Variants in DNMT3A observed in about 807,000 individuals in gnomAD.
DNMT3A encodes DNA methyltransferase 3 alpha, also known as DNA (cytosine-5)-methyltransferase 3A.
A neutral mutation model predicts 117.6 loss-of-function variants in DNMT3A; 267 were observed. The ratio of observed to expected loss-of-function variants is 2.27; its 90% CI spans 2.05 to 2.51. The LOEUF (loss-of-function observed/expected upper bound fraction) is 2.51, where lower values mean the gene tolerates loss of function less well. DNMT3A is among the 30% of genes most tolerant of loss of function. The pLI is 0.00. For missense variants in DNMT3A, 1,029 were observed against 1,260.2 expected, an observed-to-expected ratio of 0.82 and a Z score of 2.78; for synonymous variants, 432 against 474.8, an observed-to-expected ratio of 0.91 and a Z score of 1.17.
intron 3 of DNMT3A, among the ~76,000 whole-genome samples, chr2:25,297,320 C>T (rs779825349): frequency 3.9e-5 from 6 of 152,174 alleles, no homozygotes; most frequent in Non-Finnish European, 7.4e-5. Flanking sequence ...AGAGGCCAGG[C>T]GACGGCAGGT....
rs983695176 is a variant in DNMT3A at position 25,257,844 on chromosome 2, C to T, written c.640-9592G>A. On this transcript the variant is annotated intron_variant, in intron 6 of 22. Transcript: ENST00000321117. The surrounding 1 kb of genome is among the most constrained non-coding windows in gnomAD (Gnocchi z 4.8). ...CTAATACTAGCCAGGTGTGGAAACA[C>T]GGAGACCCTGGCTGTGTCTGTTACA... 1.3e-5 allele frequency among the ~76,000 whole-genome samples: 2 copies of T among 152,204 alleles called. No homozygotes were observed. Among genetic ancestry groups the T allele is most frequent in the South Asian group, 2.1e-4 (1 of 4,832 alleles).
chr2:25,282,857 TA>T lies in DNMT3A; in HGVS notation c.178-147del. ...TCATATAAACCTTCATGCAAACAGA[TA>T]CATTCACAATTTTGCTTTCAACATC... On this transcript the variant is annotated intron_variant, in intron 3 of 22. Coordinates refer to ENST00000321117, the MANE Select transcript of DNMT3A (RefSeq NM_022552.5). The surrounding 1 kb of genome is among the most constrained non-coding windows in gnomAD (Gnocchi z 5.2). The T allele has an allele frequency of 9.6e-7, 1 of 1,046,478 alleles. No individual in the cohort carries two copies. The highest frequency in any genetic ancestry group is 1.3e-6 in the Non-Finnish European group (1 of 767,134). The allele number at this position is 1,046,478 out of a possible 1,614,324, so 64.8% of individuals were successfully genotyped here. A position where few individuals can be genotyped will look rare whatever the true frequency, so the allele number is the denominator to read the frequency against.
chr2:25,239,272 G>A, intron 19 of DNMT3A, 57 bp from the exon 20 acceptor site: 1 of 1,501,914 alleles, frequency 6.7e-7, no homozygotes, highest in Non-Finnish European at 9.2e-7. Flanking sequence ...AACAGCGCCG[G>A]CATGCTGCTG....
Position 25,247,337 on chromosome 2 carries a change from A to T in DNMT3A, c.1015-179T>A. Reference sequence around the variant, plus strand: ...GAGTCCAGACCAAGAGTAGGGAAGTACCTGAGTGCAGGTGGAAAGGAATTC... The same window carrying T: ...GAGTCCAGACCAAGAGTAGGGAAGTTCCTGAGTGCAGGTGGAAAGGAATTC... On this transcript the variant is annotated intron_variant, in intron 8 of 22. Transcript: ENST00000321117. The surrounding 1 kb of genome is among the most constrained non-coding windows in gnomAD (Gnocchi z 5.6). 1.3e-6 allele frequency: 1 copy of T among 768,510 alleles called. No individual in the cohort carries two copies. Among genetic ancestry groups the T allele is most frequent in the Non-Finnish European group, 2.1e-6 (1 of 481,068 alleles). 47.6% of individuals were successfully genotyped at this position (768,510 alleles called of 1,614,324 possible).
At chr2:25,258,064 C>T (rs371477268) in intron 6 of DNMT3A, among the ~76,000 whole-genome samples, 2 of 152,258 alleles carry the variant, frequency 1.3e-5, no homozygotes, top group African/African-American at 4.8e-5. Flanking sequence ...CTGTTGCTGT[C>T]TGATGCTGGA....
Position 25,230,811 on chromosome 2 carries a change from T to C in DNMT3A, c.*3468A>G, listed in dbSNP as rs534264084. 1.4e-5 allele frequency: 1 copy of C among 71,334 alleles called. No homozygotes were observed. Among genetic ancestry groups the C allele is most frequent in the African/African-American group, 6.0e-5 (1 of 16,566 alleles). 4.4% of individuals were successfully genotyped at this position (71,334 alleles called of 1,614,324 possible). On this transcript the variant is annotated 3_prime_UTR_variant, in exon 23 of 23. Transcript: ENST00000321117. ...TGCAAGGGGGGGGGGGGGGGGGCCA[T>C]GACCCCTGGGGCATCTGGTCCATTC...
chr2:25,261,719 A>G (rs1041233936), intron 6 of DNMT3A, among the ~76,000 whole-genome samples: 1 of 152,142 alleles, frequency 6.6e-6, no homozygotes, highest in Non-Finnish European at 1.5e-5. Flanking sequence ...TAACTGGTTC[A>G]GGAAATCCTC....
At chr2:25,309,176 C>T (rs1444900210) in intron 2 of DNMT3A, among the ~76,000 whole-genome samples, 1 of 152,232 alleles carries the variant, frequency 6.6e-6, no homozygotes, top group African/African-American at 2.4e-5. Context: ...TACCCCTCTA[C>T]TAGGCCCTCC....
intron 3 of DNMT3A, among the ~76,000 whole-genome samples, chr2:25,291,877 T>G (rs1162870195): frequency 6.6e-6 from 1 of 152,252 alleles, no homozygotes; most frequent in Non-Finnish European, 1.5e-5. Flanking sequence ...GCGGGGACAC[T>G]GGTCCACCTG....
intron 1 of DNMT3A, among the ~76,000 whole-genome samples, chr2:25,335,436 G>C (rs533017918): frequency 1.4e-4 from 21 of 152,298 alleles, no homozygotes; most frequent in Admixed American, 3.9e-4. Context: ...CACTCCGAAG[G>C]CCTCCTGCCC....
rs1365576397 is a variant in DNMT3A, at chr2:25,252,068, C to G, written c.640-3816G>C. 7 of 1,283,116 alleles carry G rather than the reference C, an allele frequency of 5.5e-6. No individual in the cohort carries two copies. The Admixed American group carries it at 9.8e-5, about 18-fold the overall frequency. 79.5% of individuals were successfully genotyped at this position (1,283,116 alleles called of 1,614,324 possible). A position where few individuals can be genotyped will look rare whatever the true frequency, so the allele number is the denominator to read the frequency against. ...CAGAACTCGGGCCAGGCCGGGACGC[C>G]GCGGCTGCTGCGGGCCGGGGAGGCA... On this transcript the variant is annotated intron_variant, in intron 6 of 22. Coordinates refer to ENST00000321117, the MANE Select transcript of DNMT3A (RefSeq NM_022552.5). The surrounding 1 kb of genome is among the most constrained non-coding windows in gnomAD (Gnocchi z 5.5).
chr2:25,244,988 T>A (rs990250621), intron 13 of DNMT3A, among the ~76,000 whole-genome samples: 1 of 152,180 alleles, frequency 6.6e-6, no homozygotes, highest in African/African-American at 2.4e-5. Context: ...TCCCCGCTGC[T>A]CTGCTCCCAT....
rs529438421 is a variant in DNMT3A at position 25,333,129 on chromosome 2, T to C, written c.-178+8697A>G. ...GGCTAAGAGAAAAAGGGACAACTTATTGGCAGCTGGAAAAAGGGACCTGGG... is the reference window on the plus strand; with the variant it reads ...GGCTAAGAGAAAAAGGGACAACTTACTGGCAGCTGGAAAAAGGGACCTGGG... On this transcript the variant is annotated intron_variant, in intron 1 of 22. Coordinates refer to ENST00000321117, the MANE Select transcript of DNMT3A (RefSeq NM_022552.5). 3.3e-5 allele frequency among the ~76,000 whole-genome samples: 5 copies of C among 152,218 alleles called. No individual in the cohort carries two copies. In the South Asian group the frequency reaches 8.3e-4, roughly 25 times the overall value.
rs2033378124 is a variant in DNMT3A at position 25,300,602 on chromosome 2, TATCTAAATAATATATTATTTAG to T, written c.73-381_73-360del. 1.1e-3 allele frequency among the ~76,000 whole-genome samples: 10 copies of T among 8,918 alleles called. No individual in the cohort carries two copies. The South Asian group carries it at 0.058, about 52-fold the overall frequency. 5.9% of individuals were successfully genotyped at this position (8,918 alleles called of 152,430 possible). On this transcript the variant is annotated intron_variant, in intron 2 of 22. Coordinates refer to ENST00000321117, the MANE Select transcript of DNMT3A (RefSeq NM_022552.5). Reference sequence around the variant, plus strand: ...ATAAAAATACCCACACCCATATATATATCTAAATAATATATTATTTAGATATCTAAATAATATATTATTTAGA... The same window carrying T: ...ATAAAAATACCCACACCCATATATATATATCTAAATAATATATTATTTAGA...
At chr2:25,329,716 C>T (rs1356304054) in intron 1 of DNMT3A, among the ~76,000 whole-genome samples, 1 of 150,506 alleles carries the variant, frequency 6.6e-6, no homozygotes, top group Non-Finnish European at 1.5e-5. Context: ...CACACACAGA[C>T]ACACAGATAC....
chr2:25,324,149 C>T (rs888909538), intron 1 of DNMT3A, among the ~76,000 whole-genome samples: 1 of 152,218 alleles, frequency 6.6e-6, no homozygotes, highest in Non-Finnish European at 1.5e-5. Context: ...TCACAGTATT[C>T]AATGCCCTGC....
intron 16 of DNMT3A, 43 bp from the exon 17 acceptor site, chr2:25,241,750 C>T: frequency 6.2e-7 from 1 of 1,603,056 alleles, no homozygotes; most frequent in Non-Finnish European, 8.5e-7. Context: ...GAGCCATCTC[C>T]CTGGCACCCT....
chr2:25,307,841 G>A (rs1246559080), intron 2 of DNMT3A, among the ~76,000 whole-genome samples: 1 of 152,146 alleles, frequency 6.6e-6, no homozygotes, highest in African/African-American at 2.4e-5. Context: ...AGCAGGGCTG[G>A]GCTCCATCCC....
chr2:25,234,373 C>A lies in DNMT3A; in HGVS notation c.2645G>T (p.Arg882Leu), dbSNP rs147001633. Residue 882 changes from arginine (R) to leucine (L), a missense_variant, in exon 23 of 23, where the codon CGC becomes CTC. Arg to Leu is a moderately radical substitution (Grantham distance 102, BLOSUM62 -2). Transcript: ENST00000321117. The surrounding 1 kb of genome is among the most constrained non-coding windows in gnomAD (Gnocchi z 4.5). Reference protein sequence around the residue: ...VHYTDVSNMSRLARQRLLGRS... With the variant: ...VHYTDVSNMSLLARQRLLGRS... ...GCCCAGCAGTCTCTGCCTCGCCAAG[C>A]GGCTCATGTTGGAGACGTCAGTATA... 3.1e-6 allele frequency: 5 copies of A among 1,613,332 alleles called. No individual in the cohort carries two copies. Among genetic ancestry groups the A allele is most frequent in the Admixed American group, 1.7e-5 (1 of 59,968 alleles).
Sources: allele counts gnomAD v4.1 joint callset (sites outside exome capture counted in the v4.1 genomes callset), GRCh38; gene constraint gnomAD v4.1.1; non-coding constraint Gnocchi (gnomAD v3.1); transcripts MANE v1.5; gene names NCBI Gene and HGNC (gene_info 2026-07-23, HGNC 2026-07-21).